Variants in LARGE1 observed in about 807,000 individuals in gnomAD.
LARGE1 encodes the protein xylosyl- and glucuronyltransferase LARGE1.
LARGE1 carries 43 observed loss-of-function variants against 87.6 expected under a neutral mutation model. That is an observed-to-expected ratio of 0.49 (90% confidence interval 0.38 to 0.63). The LOEUF (loss-of-function observed/expected upper bound fraction) is 0.63. LARGE1 is among the 30% of genes least tolerant of loss of function. The pLI is 0.00. For synonymous variants in LARGE1, 434 were observed against 394.6 expected (o/e 1.10, Z -1.18); for missense variants, 802 against 1,000.2 (o/e 0.80, Z 2.67).
chr22:33,798,369 T>C (rs888357865), intron 1 of LARGE1, among the ~76,000 whole-genome samples: 5 of 152,210 alleles, frequency 3.3e-5, no homozygotes, highest in African/African-American at 1.2e-4. Context: ...ATAGTGAGTA[T>C]AGGTATTACA....
intron 1 of LARGE1, among the ~76,000 whole-genome samples, chr22:33,808,582 C>T (rs1049023507): frequency 4.6e-5 from 7 of 152,348 alleles, no homozygotes; most frequent in East Asian, 3.9e-4. Context: ...AGGCACCCTG[C>T]ACGACGCTGG....
Position 33,519,252 on chromosome 22 carries a change from G to A in LARGE1, c.787+45596C>T, listed in dbSNP as rs11703427. ...TGCGCGCGCGTGTGTGTGTGTGTGT[G>A]TGTGTGGTCACATATGCCTCAGAGA... On this transcript the variant is annotated intron_variant, in intron 6 of 14. Coordinates refer to ENST00000397394, the MANE Select transcript of LARGE1 (RefSeq NM_133642.5). Among the ~76,000 whole-genome samples, 637 of 152,112 alleles carry A rather than the reference G, an allele frequency of 4.2e-3. 4 individuals carry two copies. Among genetic ancestry groups the A allele is most frequent in the East Asian group, 0.021 (107 of 5,146 alleles).
intron 6 of LARGE1, among the ~76,000 whole-genome samples, chr22:33,485,520 T>C (rs1389972723): frequency 6.6e-6 from 1 of 152,200 alleles, no homozygotes; most frequent in Non-Finnish European, 1.5e-5. Flanking sequence ...AAGGAATACA[T>C]ATTCCTTGCA....
chr22:33,774,092 G>A lies in LARGE1; in HGVS notation c.-82-12534C>T, dbSNP rs1448891903. Reference sequence around the variant, plus strand: ...CAGAAGGGTGGGGTGGGGGTGGAGGGGCGGATGGAAAAAAACTCCTCCAAA... The same window carrying A: ...CAGAAGGGTGGGGTGGGGGTGGAGGAGCGGATGGAAAAAAACTCCTCCAAA... On this transcript the variant is annotated intron_variant, in intron 1 of 14. Coordinates refer to ENST00000397394, the MANE Select transcript of LARGE1 (RefSeq NM_133642.5). Among the ~76,000 whole-genome samples the A allele has an allele frequency of 4.0e-5, 6 of 149,894 alleles. 1 individual carries two copies. Among genetic ancestry groups the A allele is most frequent in the Admixed American group, 4.0e-4 (6 of 15,080 alleles).
intron 11 of LARGE1, 21 bp from the exon 12 acceptor site, chr22:33,304,528 G>T: frequency 6.4e-7 from 1 of 1,554,930 alleles, no homozygotes; most frequent in South Asian, 1.2e-5. Flanking sequence ...CAGGGAGGGT[G>T]AGCCGCGGGA....
the LARGE1 span, among the ~76,000 whole-genome samples, chr22:33,135,563 G>A: frequency 6.6e-6 from 1 of 152,122 alleles, no homozygotes; most frequent in Non-Finnish European, 1.5e-5. Flanking sequence ...AAGCCGACCG[G>A]ACACAGTGGC....
chr22:33,433,841 T>C (rs1053064492), intron 6 of LARGE1, among the ~76,000 whole-genome samples: 5 of 152,272 alleles, frequency 3.3e-5, no homozygotes, highest in South Asian at 2.1e-4. Flanking sequence ...CTGGGTGATA[T>C]AGCATCTCCT....
At chr22:33,845,563 C>A (rs892865763) in intron 1 of LARGE1, among the ~76,000 whole-genome samples, 3 of 152,158 alleles carry the variant, frequency 2.0e-5, no homozygotes, top group African/African-American at 7.2e-5. Context: ...CCGCCTCAGC[C>A]TCCCAAAGTG....
At chr22:33,847,396 C>A (rs1247356086) in intron 1 of LARGE1, among the ~76,000 whole-genome samples, 1 of 152,122 alleles carries the variant, frequency 6.6e-6, no homozygotes, top group East Asian at 1.9e-4. Context: ...ACAGTTTTAC[C>A]CAAACTGCAT....
chr22:33,268,758 A>G (rs527551005), downstream of LARGE1, among the ~76,000 whole-genome samples: 1 of 152,138 alleles, frequency 6.6e-6, no homozygotes, highest in Non-Finnish European at 1.5e-5. Context: ...GCAGGTAGAA[A>G]ATAATCACTT....
At chr22:33,696,464 C>T (rs1054130224) in intron 2 of LARGE1, among the ~76,000 whole-genome samples, 10 of 151,896 alleles carry the variant, frequency 6.6e-5, no homozygotes, top group East Asian at 1.9e-4. Context: ...GGTTTCACTA[C>T]GTGGGCCTGG....
chr22:33,759,259 A>G (rs2084633718), intron 2 of LARGE1, among the ~76,000 whole-genome samples: 1 of 152,234 alleles, frequency 6.6e-6, no homozygotes, highest in African/African-American at 2.4e-5. Context: ...TTTCTGCCAA[A>G]GAGTGCAAAT....
intron 1 of LARGE1, among the ~76,000 whole-genome samples, chr22:33,894,724 C>A (rs1193383253): frequency 6.6e-6 from 1 of 150,664 alleles, no homozygotes; most frequent in African/African-American, 2.4e-5. Flanking sequence ...ATGTGTGTGA[C>A]CTCATACAAG....
intron 6 of LARGE1, among the ~76,000 whole-genome samples, chr22:33,486,242 C>T (rs555031218): frequency 6.6e-6 from 1 of 152,150 alleles, no homozygotes; most frequent in Non-Finnish European, 1.5e-5. Context: ...TGCCTGAAGG[C>T]GCTTCCATCT....
chr22:33,403,399 TAA>T (rs1311580988), intron 7 of LARGE1, among the ~76,000 whole-genome samples: 1 of 152,214 alleles, frequency 6.6e-6, no homozygotes, highest in Non-Finnish European at 1.5e-5. Context: ...CCTGAAGGAC[TAA>T]GTTGATTTCA....
At chr22:33,713,967 A>ATAACGTAATG (rs2082825142) in intron 2 of LARGE1, among the ~76,000 whole-genome samples, 1 of 110,314 alleles carries the variant, frequency 9.1e-6, no homozygotes, top group African/African-American at 3.6e-5. Context: ...GAAAAAGTAA[A>ATAACGTAATG]TAACGTAACA....
chr22:33,266,476 G>A (rs986119760), intron 11 of LARGE1, among the ~76,000 whole-genome samples: 7 of 151,546 alleles, frequency 4.6e-5, no homozygotes, highest in Non-Finnish European at 8.8e-5. Flanking sequence ...TGCCTGCCTC[G>A]GCCTCCCGAA....
At chr22:33,677,612 C>T (rs950617065) in intron 2 of LARGE1, among the ~76,000 whole-genome samples, 7 of 152,126 alleles carry the variant, frequency 4.6e-5, no homozygotes, top group Non-Finnish European at 1.0e-4. Context: ...AAGGGTTTCT[C>T]ACTTGTGCTT....
intron 11 of LARGE1, chr22:33,305,649 C>T (rs1343182006): frequency 3.1e-6 from 3 of 965,378 alleles, no homozygotes; most frequent in Non-Finnish European, 3.7e-6. Context: ...AATGGGCACA[C>T]CTATCTTGTT....
Sources: allele counts gnomAD v4.1 joint callset (sites outside exome capture counted in the v4.1 genomes callset), GRCh38; gene constraint gnomAD v4.1.1; transcripts MANE v1.5; gene names NCBI Gene and HGNC (gene_info 2026-07-23, HGNC 2026-07-21).